The following ELL variants were observed in gnomAD, a reference collection of about 807,000 sequenced individuals.
ELL encodes elongation factor for RNA polymerase II, also known as RNA polymerase II elongation factor ELL.
In ELL, 18 loss-of-function variants were observed where a neutral mutation model predicts 64.0. That is an observed-to-expected ratio of 0.28 (90% CI 0.19 to 0.42). The LOEUF is 0.42. Ranked by LOEUF, ELL falls within the 10% of genes least tolerant of loss-of-function variation. The probability of loss-of-function intolerance (pLI) is 1.00; values close to 1 mark genes in which losing one functional copy is unlikely to be tolerated. For missense variants in ELL, 797 were observed against 870.4 expected (o/e 0.92, Z 1.06); for synonymous variants, 399 against 376.2 (o/e 1.06, Z -0.70).
chr19:18,465,999 C>T (rs1600451640), intron 2 of ELL, 81 bp from the exon 3 acceptor site: 1 of 1,202,902 alleles, frequency 8.3e-7, no homozygotes, highest in East Asian at 3.1e-5. Context: ...CATGAGTCCC[C>T]ACAGTGCAAC....
rs1975772555 is a variant in ELL at position 18,501,160 on chromosome 19, C to T, written c.135+20761G>A. Among the ~76,000 whole-genome samples, 1 of 152,098 alleles carries T rather than the reference C, an allele frequency of 6.6e-6. No homozygotes were observed. Among genetic ancestry groups the T allele is most frequent in the Admixed American group, 6.6e-5 (1 of 15,266 alleles). ...ATGCCTGTGGGCAGCAAGCAGCACA[C>T]CTCCAGGGGCCACGTAGACAACCTG... On this transcript the variant is annotated intron_variant, in intron 1 of 11. Coordinates refer to ENST00000262809, the MANE Select transcript of ELL (RefSeq NM_006532.4). The surrounding 1 kb of genome is among the most constrained non-coding windows in gnomAD (Gnocchi z 4.5).
chr19:18,463,743 C>G (rs925710685), intron 4 of ELL, among the ~76,000 whole-genome samples: 15 of 151,842 alleles, frequency 9.9e-5, no homozygotes, highest in Non-Finnish European at 1.9e-4. Flanking sequence ...CTTTGGGATG[C>G]TGAGGTGGGC....
At chr19:18,497,571 G>A (rs1340636298) in intron 1 of ELL, among the ~76,000 whole-genome samples, 1 of 152,100 alleles carries the variant, frequency 6.6e-6, no homozygotes, top group Non-Finnish European at 1.5e-5. Context: ...TGTAATCCCA[G>A]CACTTTAGGA....
At chr19:18,476,483 C>T (rs1457745524) in intron 1 of ELL, among the ~76,000 whole-genome samples, 3 of 151,740 alleles carry the variant, frequency 2.0e-5, no homozygotes, top group African/African-American at 2.4e-5. Context: ...CCACCCACCC[C>T]GTGGCTCCAT....
At chr19:18,483,598 A>C (rs772824812) in intron 1 of ELL, among the ~76,000 whole-genome samples, 5 of 152,220 alleles carry the variant, frequency 3.3e-5, no homozygotes, top group Non-Finnish European at 2.9e-5. Flanking sequence ...TGAGGTACTG[A>C]GAGAGGACAG....
At chr19:18,455,128 G>A (rs1432267191) in intron 6 of ELL, among the ~76,000 whole-genome samples, 1 of 137,712 alleles carries the variant, frequency 7.3e-6, no homozygotes, top group Non-Finnish European at 1.5e-5. Context: ...GCGATAGGGT[G>A]AGAGTCCCTC....
chr19:18,514,138 G>A (rs567004910), intron 1 of ELL, among the ~76,000 whole-genome samples: 2 of 152,172 alleles, frequency 1.3e-5, no homozygotes, highest in Admixed American at 6.5e-5. Context: ...AGATGGAGGC[G>A]GGAGGTCTCT....
At chr19:18,456,388 T>C (rs920456375) in intron 6 of ELL, among the ~76,000 whole-genome samples, 8 of 152,078 alleles carry the variant, frequency 5.3e-5, no homozygotes, top group Non-Finnish European at 8.8e-5. Flanking sequence ...CAAGTCTAGA[T>C]GTGATCAACC....
intron 10 of ELL, among the ~76,000 whole-genome samples, chr19:18,445,859 G>A (rs1043555199): frequency 6.6e-6 from 1 of 152,084 alleles, no homozygotes; most frequent in Admixed American, 6.5e-5. Context: ...CTGATTCCCA[G>A]GACCACAGGG....
At chr19:18,476,405 G>A (rs1017445402) in intron 1 of ELL, among the ~76,000 whole-genome samples, 3 of 152,208 alleles carry the variant, frequency 2.0e-5, no homozygotes, top group African/African-American at 7.2e-5. Context: ...ACCCCCCCAA[G>A]GAACTGTGCC....
At position 18,444,089 on chromosome 19, in the gene ELL, G is replaced by A; in HGVS notation, c.*663C>T. ...CCCCTTGGCTCTGAGCAGCTGTCTG[G>A]GGGCACCAGCTGGAGTTCTCAAAAT... On this transcript the variant is annotated 3_prime_UTR_variant, in exon 12 of 12. Coordinates refer to ENST00000262809, the MANE Select transcript of ELL (RefSeq NM_006532.4). The A allele has an allele frequency of 4.3e-6, 1 of 231,418 alleles. No individual in the cohort carries two copies. Among genetic ancestry groups the A allele is most frequent in the East Asian group, 6.1e-5 (1 of 16,342 alleles). The allele number at this position is 231,418 out of a possible 1,614,324, so 14.3% of individuals were successfully genotyped here. A position where few individuals can be genotyped will look rare whatever the true frequency, so the allele number is the denominator to read the frequency against.
chr19:18,471,980 G>A (rs1244667399), intron 2 of ELL, among the ~76,000 whole-genome samples: 1 of 147,068 alleles, frequency 6.8e-6, no homozygotes, highest in East Asian at 2.0e-4. Flanking sequence ...TTTTTTTTTT[G>A]AGACAGAGTT....
chr19:18,450,586 G>A lies in ELL; in HGVS notation c.1356C>T (p.Ser452=). The A allele has an allele frequency of 1.2e-6, 2 of 1,612,662 alleles. No individual in the cohort carries two copies. The highest frequency in any genetic ancestry group is 1.6e-4 in the Middle Eastern group (1 of 6,062). ...CCCTCTCCTTGTCTTTGTGCTTCTT[G>A]GACTTCTTCTTGGGCTTGCTGCGCG... ...SPSRSKPKKK[S]KKHKDKERAA... The change falls in exon 8 of 12, where the codon TCC becomes TCT. Residue 452 remains serine, a synonymous_variant. Coordinates refer to ENST00000262809, the MANE Select transcript of ELL (RefSeq NM_006532.4).
intron 2 of ELL, chr19:18,471,266 T>C (rs1305619759): frequency 2.7e-6 from 1 of 367,746 alleles, no homozygotes; most frequent in Non-Finnish European, 5.4e-6. Context: ...TCCCAACTAC[T>C]TGAGAAGCTG....
chr19:18,502,037 C>T (rs562602846), intron 1 of ELL, among the ~76,000 whole-genome samples: 1 of 152,134 alleles, frequency 6.6e-6, no homozygotes. Flanking sequence ...TGCTGGAGTG[C>T]GTCCCACAGA....
chr19:18,497,649 T>TA (rs1885512576), intron 1 of ELL, among the ~76,000 whole-genome samples: 1 of 151,572 alleles, frequency 6.6e-6, no homozygotes, highest in Non-Finnish European at 1.5e-5. Flanking sequence ...CAAGACTGTC[T>TA]AAAAAAATTT....
intron 1 of ELL, among the ~76,000 whole-genome samples, chr19:18,486,767 A>T (rs963305496): frequency 2.6e-5 from 4 of 152,180 alleles, no homozygotes; most frequent in Non-Finnish European, 5.9e-5. Context: ...GAGGATGCCA[A>T]GAGAATCTGG....
intron 1 of ELL, among the ~76,000 whole-genome samples, chr19:18,480,159 C>T (rs552098019): frequency 1.4e-3 from 218 of 152,350 alleles, no homozygotes; most frequent in Middle Eastern, 6.8e-3. Context: ...GCGTGTGGTC[C>T]AGCAGAGGGA....
At chr19:18,505,984 A>G (rs1392423692) in intron 1 of ELL, among the ~76,000 whole-genome samples, 1 of 152,192 alleles carries the variant, frequency 6.6e-6, no homozygotes, top group Non-Finnish European at 1.5e-5. Flanking sequence ...ACATGTGGCC[A>G]ATACCAGTGA....
Sources: gnomAD v4.1 joint callset for allele counts (sites outside exome capture counted in the v4.1 genomes callset) on GRCh38, gnomAD v4.1.1 for gene constraint, Gnocchi (gnomAD v3.1) non-coding constraint, MANE v1.5 for transcripts, NCBI Gene and HGNC (gene_info 2026-07-23, HGNC 2026-07-21) for gene names.